TTC13: variants seen among roughly 807,000 people sequenced by gnomAD.
TTC13 encodes the protein tetratricopeptide repeat protein 13.
In TTC13, 62 loss-of-function variants were observed where a neutral mutation model predicts 120.0. The ratio of observed to expected loss-of-function variants is 0.52; its 90% CI spans 0.42 to 0.64. The LOEUF is 0.64. Among genes scored for constraint, TTC13 ranks in the 30% least tolerant of loss-of-function variants. The pLI is 0.00. For synonymous variants in TTC13, 384 were observed against 393.5 expected (o/e 0.98, Z 0.28); for missense variants, 824 against 1,050.2 (o/e 0.78, Z 2.98).
At position 230,924,976 on chromosome 1, in the gene TTC13, A is replaced by T; in HGVS notation, c.1589-3T>A. 1 of 1,614,168 alleles carries T rather than the reference A, an allele frequency of 6.2e-7. No homozygotes were observed. Among genetic ancestry groups the T allele is most frequent in the Non-Finnish European group, 8.5e-7 (1 of 1,180,016 alleles). On this transcript the variant is annotated splice_region_variant and splice_polypyrimidine_tract_variant and intron_variant, in intron 13 of 22. Transcript: ENST00000366661. ...CTCCAATGCGGCCAAACCCATAGCT[A>T]CGAGAAAGGAATATCGAGAAGAGTT... is the stretch of plus-strand genomic sequence containing the variant.
chr1:230,955,710 A>G (rs1676019554), intron 3 of TTC13, among the ~76,000 whole-genome samples: 1 of 152,026 alleles, frequency 6.6e-6, no homozygotes, highest in African/African-American at 2.4e-5. Context: ...AAGCAGAAAC[A>G]GAAACGAAAT....
In TTC13 at chr1:230,942,408, C is replaced by T. The variant is rs1418334584; in HGVS notation, c.672+1398G>A. On this transcript the variant is annotated intron_variant, in intron 6 of 22. Transcript: ENST00000366661. The surrounding 1 kb of genome is among the most constrained non-coding windows in gnomAD (Gnocchi z 4.0). ...AGAAGAGGTAAGAAATTAAATCATTCATTGAGAAAGATTTTATTCAAAAAG... is the reference window on the plus strand; with the variant it reads ...AGAAGAGGTAAGAAATTAAATCATTTATTGAGAAAGATTTTATTCAAAAAG... Among the ~76,000 whole-genome samples the T allele has an allele frequency of 6.6e-6, 1 of 152,078 alleles. No individual in the cohort carries two copies. Among genetic ancestry groups the T allele is most frequent in the Non-Finnish European group, 1.5e-5 (1 of 67,994 alleles).
At chr1:230,914,633 T>C (rs1572178218) in intron 18 of TTC13, among the ~76,000 whole-genome samples, 1 of 152,174 alleles carries the variant, frequency 6.6e-6, no homozygotes, top group Non-Finnish European at 1.5e-5. Context: ...GACCTAGTGA[T>C]CCGCCCGCCT....
chr1:230,939,015 C>T (rs552347767), intron 8 of TTC13, among the ~76,000 whole-genome samples: 1 of 152,332 alleles, frequency 6.6e-6, no homozygotes, highest in Non-Finnish European at 1.5e-5. Context: ...CCTAATCCTA[C>T]TCAGTCTTCC....
intron 18 of TTC13, among the ~76,000 whole-genome samples, chr1:230,913,435 C>T (rs1247138683): frequency 6.6e-6 from 1 of 152,206 alleles, no homozygotes; most frequent in Non-Finnish European, 1.5e-5. Context: ...TCATAGCTCA[C>T]TGCAGCCTCA....
At chr1:230,920,352 C>G (rs1229669691) in intron 17 of TTC13, 158 bp downstream of exon 17, 1 of 487,546 alleles carries the variant, frequency 2.1e-6, no homozygotes, top group Non-Finnish European at 3.6e-6. Flanking sequence ...CTGTTTGAGT[C>G]TGATGCCTGT....
Position 230,909,004 on chromosome 1 carries a change from C to T in TTC13, c.2326G>A (p.Val776Ile). ...CTTGCCATCAGTGCTCCCACGATGA[C>T]CGAGTAAGCAATTACACTATTTAAA... ...SRGSSVIAYS[V>I]IVGALMASGK... Residue 776 changes from valine (V) to isoleucine (I), a missense_variant, in exon 21 of 23, where the codon GTC becomes ATC. Physicochemically the swap from Val to Ile is conservative, Grantham distance 29. Coordinates refer to ENST00000366661, the MANE Select transcript of TTC13 (RefSeq NM_024525.5). 2 of 1,614,164 alleles carry T rather than the reference C, an allele frequency of 1.2e-6. No individual in the cohort carries two copies. The highest frequency in any genetic ancestry group is 1.7e-6 in the Non-Finnish European group (2 of 1,180,016).
intron 12 of TTC13, among the ~76,000 whole-genome samples, chr1:230,927,086 C>T (rs947765132): frequency 4.6e-5 from 7 of 152,146 alleles, no homozygotes; most frequent in Non-Finnish European, 8.8e-5. Context: ...GTTTATACTG[C>T]TGTATAATAT....
In TTC13 at chr1:230,944,768, G is replaced by A. The variant is rs1674829296; in HGVS notation, c.579+621C>T. Among the ~76,000 whole-genome samples the A allele has an allele frequency of 6.6e-6, 1 of 151,994 alleles. No homozygotes were observed. Among genetic ancestry groups the A allele is most frequent in the Non-Finnish European group, 1.5e-5 (1 of 67,986 alleles). On this transcript the variant is annotated intron_variant, in intron 5 of 22. Coordinates refer to ENST00000366661, the MANE Select transcript of TTC13 (RefSeq NM_024525.5). The surrounding 1 kb of genome is among the most constrained non-coding windows in gnomAD (Gnocchi z 4.0). ...CACAAATATTTTTAGTATACAATAA[G>A]ACAATAGAAAAAGTTTGCATATAAT...
At chr1:230,961,407 C>T (rs757228321) in intron 1 of TTC13, 104 bp from the exon 2 acceptor site, 3 of 811,520 alleles carry the variant, frequency 3.7e-6, no homozygotes, top group Non-Finnish European at 6.0e-6. Flanking sequence ...AAAATAAGAA[C>T]AGGTGTGAAT....
chr1:230,950,889 T>G (rs1337952713), intron 4 of TTC13, among the ~76,000 whole-genome samples: 1 of 152,162 alleles, frequency 6.6e-6, no homozygotes, highest in Non-Finnish European at 1.5e-5. Context: ...GTTCTACTTT[T>G]CAACTCAAGA....
intron 8 of TTC13, among the ~76,000 whole-genome samples, chr1:230,935,841 A>T (rs1196846844): frequency 6.6e-6 from 1 of 152,244 alleles, no homozygotes; most frequent in Non-Finnish European, 1.5e-5. Context: ...ATGAAAGCTC[A>T]AACTAATAAA....
chr1:230,943,612 T>C (rs1674718773), intron 6 of TTC13, among the ~76,000 whole-genome samples, 194 bp downstream of exon 6: 1 of 152,230 alleles, frequency 6.6e-6, no homozygotes, highest in African/African-American at 2.4e-5. Flanking sequence ...TACTCTTCTA[T>C]GTTAGTTCAG....
intron 15 of TTC13, 49 bp downstream of exon 15, chr1:230,923,792 T>C (rs1672803741): frequency 6.6e-7 from 1 of 1,525,338 alleles, no homozygotes; most frequent in East Asian, 2.3e-5. Context: ...GCCTGTGTCT[T>C]GAGAATAAAC....
chr1:230,974,257 C>T (rs1678042031), intron 1 of TTC13, among the ~76,000 whole-genome samples: 1 of 152,070 alleles, frequency 6.6e-6, no homozygotes, highest in African/African-American at 2.4e-5. Flanking sequence ...GAAGCCATCC[C>T]GGGGCACCTC....
At chr1:230,912,482 T>C (rs1414071206) in intron 19 of TTC13, 141 bp downstream of exon 19, 1 of 945,152 alleles carries the variant, frequency 1.1e-6, no homozygotes, top group African/African-American at 1.7e-5. Context: ...TTTTTGCCTA[T>C]AAGAAATAAG....
At chr1:230,950,176 T>C (rs1675436477) in intron 4 of TTC13, among the ~76,000 whole-genome samples, 1 of 152,056 alleles carries the variant, frequency 6.6e-6, no homozygotes, top group Non-Finnish European at 1.5e-5. Context: ...TTTTTCCAAA[T>C]AAAAACCAAC....
chr1:230,937,782 A>G (rs988319884), intron 8 of TTC13, among the ~76,000 whole-genome samples: 3 of 152,248 alleles, frequency 2.0e-5, no homozygotes, highest in Admixed American at 6.5e-5. Flanking sequence ...AAGCTTACAA[A>G]GTACTTTTCA....
chr1:230,969,309 G>A (rs1489189237), intron 1 of TTC13, among the ~76,000 whole-genome samples: 1 of 152,050 alleles, frequency 6.6e-6, no homozygotes, highest in South Asian at 2.1e-4. Context: ...AGAAGCTTAC[G>A]TTTAATAAGA....
Sources: allele counts gnomAD v4.1 joint callset (sites outside exome capture counted in the v4.1 genomes callset), GRCh38; gene constraint gnomAD v4.1.1; non-coding constraint Gnocchi (gnomAD v3.1); transcripts MANE v1.5; gene names NCBI Gene and HGNC (gene_info 2026-07-23, HGNC 2026-07-21).